RFX3: variants seen among roughly 807,000 people sequenced by gnomAD.
RFX3 encodes transcription factor RFX3.
Under a neutral mutation model 98.6 loss-of-function variants are expected in RFX3, and 14 were observed. That is an observed-to-expected ratio of 0.14 (90% CI 0.09 to 0.22). The LOEUF (loss-of-function observed/expected upper bound fraction) is 0.22. Among genes scored for constraint, RFX3 ranks in the 10% least tolerant of loss-of-function variants. The pLI is 1.00. For synonymous variants in RFX3, 383 were observed against 328.4 expected, an observed-to-expected ratio of 1.17 and a Z score of -1.80; for missense variants, 639 against 926.9, an observed-to-expected ratio of 0.69 and a Z score of 4.03.
chr9:3,311,971 T>C (rs1175877716), intron 4 of RFX3, among the ~76,000 whole-genome samples: 1 of 152,146 alleles, frequency 6.6e-6, no homozygotes, highest in Non-Finnish European at 1.5e-5. Flanking sequence ...ACATGTATTG[T>C]AAATGCTCTA....
intron 1 of RFX3, among the ~76,000 whole-genome samples, chr9:3,492,599 C>T (rs1372517773): frequency 1.3e-5 from 2 of 152,136 alleles, no homozygotes; most frequent in Admixed American, 1.3e-4. Context: ...ACAGGGTAGT[C>T]AACAGATAGC....
intron 2 of RFX3, among the ~76,000 whole-genome samples, chr9:3,366,706 CTTTCTTTCTTTCTT>C (rs1228538592): frequency 1.1e-5 from 1 of 88,716 alleles, no homozygotes; most frequent in African/African-American, 4.4e-5. Context: ...TTCTTTCTTT[CTTTCTTTCTTTCTT>C]TCTTTCTTTC....
intron 4 of RFX3, among the ~76,000 whole-genome samples, chr9:3,314,853 G>A (rs570206745): frequency 2.0e-5 from 3 of 152,074 alleles, no homozygotes; most frequent in Non-Finnish European, 2.9e-5. Context: ...ACCCAAAATA[G>A]GAGCACCCAG....
chr9:3,491,888 A>C (rs1850748110), intron 1 of RFX3, among the ~76,000 whole-genome samples: 1 of 152,216 alleles, frequency 6.6e-6, no homozygotes, highest in African/African-American at 2.4e-5. Context: ...CAAAAATTAA[A>C]TATATAATAC....
chr9:3,289,375 C>T (rs1827041371), intron 6 of RFX3, among the ~76,000 whole-genome samples: 1 of 151,968 alleles, frequency 6.6e-6, no homozygotes, highest in Non-Finnish European at 1.5e-5. Context: ...CACAATAAAG[C>T]AGATAGAGAA....
intron 1 of RFX3, among the ~76,000 whole-genome samples, chr9:3,401,324 T>A (rs993665279): frequency 1.3e-5 from 2 of 152,216 alleles, no homozygotes; most frequent in East Asian, 3.9e-4. Flanking sequence ...AGTATTCTGG[T>A]AGGCTTCCAA....
intron 1 of RFX3, among the ~76,000 whole-genome samples, chr9:3,455,989 G>C (rs761011422): frequency 6.6e-6 from 1 of 152,190 alleles, no homozygotes; most frequent in Non-Finnish European, 1.5e-5. Flanking sequence ...TGGAAGTCAA[G>C]GTGTCGGCAG....
intron 1 of RFX3, among the ~76,000 whole-genome samples, chr9:3,455,023 C>A (rs1265404384): frequency 6.6e-6 from 1 of 151,984 alleles, no homozygotes; most frequent in Non-Finnish European, 1.5e-5. Flanking sequence ...CAGCACAATG[C>A]CCCCTCATCC....
intron 1 of RFX3, among the ~76,000 whole-genome samples, chr9:3,480,483 T>C (rs1049349476): frequency 1.3e-5 from 2 of 152,248 alleles, no homozygotes; most frequent in South Asian, 4.1e-4. Context: ...CAACCCAAAC[T>C]GAAAGGAAAG....
intron 15 of RFX3, among the ~76,000 whole-genome samples, chr9:3,229,849 C>T (rs749166383): frequency 1.4e-4 from 21 of 152,106 alleles, no homozygotes; most frequent in Non-Finnish European, 3.1e-4. Context: ...TTTTCATCTA[C>T]AAGGTTTGTC....
chr9:3,317,370 A>C (rs1830740388), intron 4 of RFX3, among the ~76,000 whole-genome samples: 1 of 152,250 alleles, frequency 6.6e-6, no homozygotes, highest in Non-Finnish European at 1.5e-5. Flanking sequence ...AAATTAATTC[A>C]AGATGGATTA....
At chr9:3,346,554 T>G in intron 3 of RFX3, 113 bp downstream of exon 3, 2 of 700,912 alleles carry the variant, frequency 2.9e-6, no homozygotes, top group South Asian at 3.3e-5. Flanking sequence ...ACTGTTCTAG[T>G]AGAAAATTAC....
intron 4 of RFX3, among the ~76,000 whole-genome samples, chr9:3,310,040 T>A (rs1375395659): frequency 6.6e-6 from 1 of 152,180 alleles, no homozygotes; most frequent in East Asian, 1.9e-4. Context: ...TCCTGAACAG[T>A]GCTTTCCCCT....
chr9:3,375,507 T>A (rs916697545), intron 2 of RFX3, among the ~76,000 whole-genome samples: 27 of 152,252 alleles, frequency 1.8e-4, no homozygotes, highest in African/African-American at 6.3e-4. Context: ...AAATTTCACA[T>A]CATTTTTAGT....
At position 3,221,922 on chromosome 9, in the gene RFX3, T is replaced by A. The variant is rs565172100; in HGVS notation, c.*3120A>T. 1.1e-4 allele frequency: 16 copies of A among 152,286 alleles called. No individual in the cohort carries two copies. The highest frequency in any genetic ancestry group is 3.9e-4 in the East Asian group (2 of 5,190). The allele number at this position is 152,286 out of a possible 1,614,324, so 9.4% of individuals were successfully genotyped here. A position where few individuals can be genotyped will look rare whatever the true frequency, so the allele number is the denominator to read the frequency against. On this transcript the variant is annotated 3_prime_UTR_variant, in exon 17 of 17. Transcript: ENST00000617270. The stretch of plus-strand genomic sequence containing the variant: ...ATATTTCATGACTAGTGATTGGTTA[T>A]AATTGCAAGAAATACAAAGAAGTCT...
At chr9:3,365,162 T>C (rs1020159609) in intron 2 of RFX3, among the ~76,000 whole-genome samples, 1 of 151,888 alleles carries the variant, frequency 6.6e-6, no homozygotes, top group Non-Finnish European at 1.5e-5. Flanking sequence ...TAACCGGGCA[T>C]GGTGTTGCAC....
chr9:3,277,539 A>G, intron 7 of RFX3, 78 bp from the exon 8 acceptor site: 1 of 1,202,944 alleles, frequency 8.3e-7, no homozygotes, highest in Non-Finnish European at 1.2e-6. Flanking sequence ...CTCCCAAAGC[A>G]TTCAGTTTTA....
At chr9:3,357,150 G>A (rs1020904094) in intron 2 of RFX3, among the ~76,000 whole-genome samples, 1 of 151,880 alleles carries the variant, frequency 6.6e-6, no homozygotes, top group African/African-American at 2.4e-5. Flanking sequence ...AAATTATTAA[G>A]TGCATCCCAA....
intron 1 of RFX3, among the ~76,000 whole-genome samples, chr9:3,407,979 C>T (rs1410084091): frequency 1.3e-5 from 2 of 152,138 alleles, no homozygotes; most frequent in East Asian, 3.9e-4. Flanking sequence ...TCTTTTCTTT[C>T]TGAAATCTCA....
Sources: gnomAD v4.1 joint callset for allele counts (sites outside exome capture counted in the v4.1 genomes callset) on GRCh38, gnomAD v4.1.1 for gene constraint, MANE v1.5 for transcripts, NCBI Gene and HGNC (gene_info 2026-07-23, HGNC 2026-07-21) for gene names.